CAST: variants seen among roughly 807,000 people sequenced by gnomAD.
CAST encodes MIR583 host.
In CAST, 76 loss-of-function variants were observed where a neutral mutation model predicts 119.6. The observed-to-expected ratio is 0.64, with a 90% CI of 0.53 to 0.77. The LOEUF (loss-of-function observed/expected upper bound fraction) is 0.77, where lower values mean the gene tolerates loss of function less well. Among genes scored for constraint, CAST ranks in the 30% least tolerant of loss-of-function variants. The pLI, the probability that CAST is intolerant of heterozygous loss-of-function variation, is 0.00. For missense variants in CAST, 953 were observed against 946.5 expected, an observed-to-expected ratio of 1.01 and a Z score of -0.09; for synonymous variants, 319 against 331.6, an observed-to-expected ratio of 0.96 and a Z score of 0.41.
At chr5:96,676,463 T>C in intron 2 of CAST, among the ~76,000 whole-genome samples, 1 of 152,198 alleles carries the variant, frequency 6.6e-6, no homozygotes, top group East Asian at 1.9e-4. Flanking sequence ...TTCAAAATAG[T>C]CAATATGTAA....
intron 1 of CAST, among the ~76,000 whole-genome samples, chr5:96,620,636 T>C (rs1048367106): frequency 1.3e-5 from 2 of 152,178 alleles, no homozygotes; most frequent in African/African-American, 4.8e-5. Flanking sequence ...GTTTTTGACT[T>C]ATGATATTTA....
chr5:96,585,432 T>C (rs1296889813), intron 1 of CAST, among the ~76,000 whole-genome samples: 1 of 152,204 alleles, frequency 6.6e-6, no homozygotes, highest in Non-Finnish European at 1.5e-5. Flanking sequence ...AACTTATTCA[T>C]AGAATACAGG....
the CAST span, chr5:96,319,143 G>C: frequency 6.6e-6 from 1 of 152,240 alleles, no homozygotes; most frequent in South Asian, 2.1e-4. Context: ...TGGCAAGAGA[G>C]GGAGCAAGAG....
At chr5:96,079,330 A>G in the CAST span, 248 of 310,116 alleles carry the variant, frequency 8.0e-4, 1 homozygote, top group African/African-American at 5.2e-3. Flanking sequence ...GTGAGTCAGG[A>G]ATGATTCAAT....
the CAST span, among the ~76,000 whole-genome samples, chr5:96,305,335 A>C: frequency 2.6e-5 from 4 of 152,230 alleles, no homozygotes; most frequent in Non-Finnish European, 5.9e-5. Context: ...GTTGCTTATC[A>C]GCGTAAGGAG....
the CAST span, among the ~76,000 whole-genome samples, chr5:96,414,353 C>T: frequency 2.0e-5 from 3 of 152,192 alleles, no homozygotes; most frequent in Middle Eastern, 6.8e-3. Flanking sequence ...AGGTGGGTGC[C>T]GTAATTCTCC....
the CAST span, among the ~76,000 whole-genome samples, chr5:96,468,332 C>T: frequency 6.6e-6 from 1 of 152,010 alleles, no homozygotes; most frequent in Non-Finnish European, 1.5e-5. Context: ...CACCACTATA[C>T]AATTCATCCA....
the CAST span, among the ~76,000 whole-genome samples, chr5:96,174,411 G>A: frequency 1.3e-5 from 2 of 152,182 alleles, no homozygotes; most frequent in Non-Finnish European, 2.9e-5. Flanking sequence ...TCCTGCGCTG[G>A]GCGCTGCAAT....
At chr5:96,688,743 C>T (rs992456859) in intron 2 of CAST, among the ~76,000 whole-genome samples, 21 of 152,072 alleles carry the variant, frequency 1.4e-4, no homozygotes, top group African/African-American at 4.8e-4. Context: ...ATTATTATTT[C>T]TTCTTCCTAC....
chr5:96,389,878 T>A, the CAST span, among the ~76,000 whole-genome samples: 1 of 151,852 alleles, frequency 6.6e-6, no homozygotes, highest in African/African-American at 2.4e-5. Flanking sequence ...GAGGCTGCAG[T>A]GAGCCATGAT....
the CAST span, among the ~76,000 whole-genome samples, chr5:96,049,861 T>A: frequency 9.5e-5 from 10 of 105,508 alleles, no homozygotes; most frequent in African/African-American, 3.9e-4. Flanking sequence ...TAGAGAGCAT[T>A]TTAAGAGAGA....
chr5:95,962,917 G>A, the CAST span, among the ~76,000 whole-genome samples: 1 of 152,178 alleles, frequency 6.6e-6, no homozygotes, highest in Non-Finnish European at 1.5e-5. Flanking sequence ...TGAGGGGCGT[G>A]CAAAGGCCTG....
At chr5:96,648,585 T>C (rs1385447350) in intron 1 of CAST, among the ~76,000 whole-genome samples, 1 of 152,238 alleles carries the variant, frequency 6.6e-6, no homozygotes, top group Non-Finnish European at 1.5e-5. Context: ...TTTCTTTAAG[T>C]GGCAACATCT....
chr5:96,010,080 C>G, the CAST span, among the ~76,000 whole-genome samples: 5 of 152,032 alleles, frequency 3.3e-5, no homozygotes, highest in South Asian at 1.0e-3. Context: ...TTTTGTCAGC[C>G]TTGTCAAAGA....
chr5:96,729,811 C>T (rs1760082435), intron 8 of CAST, 86 bp downstream of exon 8: 1 of 719,368 alleles, frequency 1.4e-6, no homozygotes, highest in Admixed American at 2.0e-5. Context: ...GTGTGTAGTT[C>T]AATCTATGGG....
intron 2 of CAST, among the ~76,000 whole-genome samples, chr5:96,693,972 C>A (rs903096919): frequency 6.6e-6 from 1 of 152,088 alleles, no homozygotes; most frequent in Non-Finnish European, 1.5e-5. Flanking sequence ...GCCTGTGAGG[C>A]CCCCTAGAGT....
chr5:96,000,235 G>A, the CAST span, among the ~76,000 whole-genome samples: 13 of 151,846 alleles, frequency 8.6e-5, no homozygotes, highest in Non-Finnish European at 1.6e-4. Flanking sequence ...ATCTTTTGTA[G>A]TTACAAAAGT....
chr5:95,970,448 C>T, the CAST span, among the ~76,000 whole-genome samples: 2 of 152,212 alleles, frequency 1.3e-5, no homozygotes, highest in Non-Finnish European at 2.9e-5. Flanking sequence ...TAATTTGCAA[C>T]AAGCATTTAA....
the CAST span, among the ~76,000 whole-genome samples, chr5:96,483,439 T>C: frequency 1.7e-3 from 257 of 152,268 alleles, 1 homozygote; most frequent in Non-Finnish European, 1.8e-3. Context: ...TAGAGTAAAT[T>C]CACACTGTAT....
Sources: gnomAD v4.1 joint callset for allele counts (sites outside exome capture counted in the v4.1 genomes callset) on GRCh38, gnomAD v4.1.1 for gene constraint, MANE v1.5 for transcripts, NCBI Gene and HGNC (gene_info 2026-07-23, HGNC 2026-07-21) for gene names.